Variants in YAP1 observed in about 807,000 individuals in gnomAD.
YAP1 encodes Yes1 associated transcriptional regulator, also known as transcriptional coactivator YAP1.
In YAP1, 5 loss-of-function variants were observed where a neutral mutation model predicts 56.9. The observed-to-expected ratio is 0.09, with a 90% CI of 0.05 to 0.18. The LOEUF (loss-of-function observed/expected upper bound fraction) is 0.18, where lower values mean the gene tolerates loss of function less well. YAP1 is among the 10% of genes least tolerant of loss of function. YAP1 has a pLI of 1.00. For synonymous variants in YAP1, 265 were observed against 248.1 expected, an observed-to-expected ratio of 1.07 and a Z score of -0.64; for missense variants, 539 against 651.8, an observed-to-expected ratio of 0.83 and a Z score of 1.88.
intron 2 of YAP1, among the ~76,000 whole-genome samples, chr11:102,120,710 A>G (rs1028917961): frequency 6.6e-6 from 1 of 152,310 alleles, no homozygotes; most frequent in Non-Finnish European, 1.5e-5. Flanking sequence ...AAAGTAAGGT[A>G]TTTATTTGGC....
chr11:102,160,047 G>A (rs1381169701), intron 2 of YAP1, among the ~76,000 whole-genome samples: 1 of 104,978 alleles, frequency 9.5e-6, no homozygotes, highest in Non-Finnish European at 1.8e-5. Context: ...TTTTGAGCCA[G>A]AGTTTTGTTC....
chr11:102,217,113 T>C (rs534573061), intron 6 of YAP1, among the ~76,000 whole-genome samples: 1 of 152,334 alleles, frequency 6.6e-6, no homozygotes, highest in South Asian at 2.1e-4. Flanking sequence ...TTTAGTGGAC[T>C]TTTATGGAAC....
intron 2 of YAP1, among the ~76,000 whole-genome samples, chr11:102,146,357 C>T (rs1394969640): frequency 6.6e-6 from 1 of 152,176 alleles, no homozygotes; most frequent in African/African-American, 2.4e-5. Flanking sequence ...CTCTCCTCCT[C>T]ACTCCTCTCT....
At chr11:102,222,546 T>C (rs866085826) in intron 6 of YAP1, among the ~76,000 whole-genome samples, 5 of 152,034 alleles carry the variant, frequency 3.3e-5, no homozygotes, top group African/African-American at 1.2e-4. Flanking sequence ...ACCATCAGAG[T>C]AGCAACCTAC....
At chr11:102,218,073 CTTTATAA>C (rs1328198294) in intron 6 of YAP1, among the ~76,000 whole-genome samples, 6 of 152,108 alleles carry the variant, frequency 3.9e-5, no homozygotes, top group African/African-American at 1.2e-4. Context: ...AATTTATGCA[CTTTATAA>C]TTTATTGTAT....
chr11:102,128,829 A>G (rs1944197840), intron 2 of YAP1, among the ~76,000 whole-genome samples: 1 of 152,198 alleles, frequency 6.6e-6, no homozygotes, highest in Non-Finnish European at 1.5e-5. Context: ...TGCCATTTCC[A>G]AGTTCTTCAT....
At chr11:102,212,806 C>G (rs1166421375) in intron 6 of YAP1, among the ~76,000 whole-genome samples, 6 of 152,186 alleles carry the variant, frequency 3.9e-5, no homozygotes, top group African/African-American at 1.4e-4. Context: ...GTCTTGAACT[C>G]CCAACCTCAG....
chr11:102,155,960 T>C (rs1309455400), intron 2 of YAP1, among the ~76,000 whole-genome samples: 1 of 152,174 alleles, frequency 6.6e-6, no homozygotes, highest in Non-Finnish European at 1.5e-5. Context: ...TCCTGGTCCT[T>C]GGTTGAGGGC....
At chr11:102,224,901 G>T (rs1476895897) in intron 7 of YAP1, among the ~76,000 whole-genome samples, 3 of 152,186 alleles carry the variant, frequency 2.0e-5, no homozygotes, top group Non-Finnish European at 2.9e-5. Flanking sequence ...TGTAATTCCA[G>T]TACCTGTCTT....
At chr11:102,226,700 A>C (rs1294789800) in intron 7 of YAP1, among the ~76,000 whole-genome samples, 2 of 152,154 alleles carry the variant, frequency 1.3e-5, no homozygotes, top group Non-Finnish European at 2.9e-5. Flanking sequence ...TAAAGTGAAA[A>C]TCTGTGTTGG....
At chr11:102,111,546 C>T (rs915661647) in intron 1 of YAP1, among the ~76,000 whole-genome samples, 1 of 150,946 alleles carries the variant, frequency 6.6e-6, no homozygotes, top group Non-Finnish European at 1.5e-5. Context: ...CCGCGGTGGG[C>T]TTGCACAATG....
intron 2 of YAP1, among the ~76,000 whole-genome samples, chr11:102,146,031 A>G (rs1945302833): frequency 6.6e-6 from 1 of 152,236 alleles, no homozygotes; most frequent in South Asian, 2.1e-4. Context: ...AAGTTAGTTA[A>G]GTCAGAATGT....
chr11:102,210,748 T>G (rs1391425241), intron 6 of YAP1, among the ~76,000 whole-genome samples: 3 of 152,054 alleles, frequency 2.0e-5, no homozygotes, highest in Non-Finnish European at 2.9e-5. Context: ...GTCTTTTTGT[T>G]TTTGTTTTTT....
chr11:102,165,864 A>G (rs999285574), intron 3 of YAP1, among the ~76,000 whole-genome samples: 1 of 152,186 alleles, frequency 6.6e-6, no homozygotes, highest in African/African-American at 2.4e-5. Context: ...CGCTATTTTT[A>G]AATACTATTA....
chr11:102,113,487 A>G (rs1201786439), intron 1 of YAP1, among the ~76,000 whole-genome samples: 2 of 152,182 alleles, frequency 1.3e-5, no homozygotes, highest in African/African-American at 4.8e-5. Context: ...CTTAAGTTAA[A>G]ATTGGACTGA....
intron 2 of YAP1, among the ~76,000 whole-genome samples, chr11:102,130,343 C>T (rs568993613): frequency 1.3e-5 from 2 of 152,208 alleles, no homozygotes; most frequent in African/African-American, 4.8e-5. Context: ...TGCCTGGAAC[C>T]AATTCTTACC....
At chr11:102,132,104 C>T (rs376938137) in intron 2 of YAP1, among the ~76,000 whole-genome samples, 18 of 151,646 alleles carry the variant, frequency 1.2e-4, no homozygotes, top group Non-Finnish European at 2.4e-4. Context: ...GGCAACAGAG[C>T]GAGACCCTGT....
chr11:102,185,404 T>C (rs570296269), intron 3 of YAP1, among the ~76,000 whole-genome samples: 3 of 152,288 alleles, frequency 2.0e-5, no homozygotes, highest in African/African-American at 7.2e-5. Context: ...TCCAACAAGC[T>C]TAAACTTCAA....
At chr11:102,228,812 T>C (rs1016975806) in intron 8 of YAP1, among the ~76,000 whole-genome samples, 3 of 152,128 alleles carry the variant, frequency 2.0e-5, no homozygotes, top group Admixed American at 6.6e-5. Context: ...GAAGCTGTTC[T>C]TTAGCTACCA....
Sources: allele counts gnomAD v4.1 joint callset (sites outside exome capture counted in the v4.1 genomes callset), GRCh38; gene constraint gnomAD v4.1.1; transcripts MANE v1.5; gene names NCBI Gene and HGNC (gene_info 2026-07-23, HGNC 2026-07-21).